Variants in PTAR1 observed in about 807,000 individuals in gnomAD.
PTAR1 encodes protein prenyltransferase alpha subunit repeat-containing protein 1.
Under a neutral mutation model 45.5 loss-of-function variants are expected in PTAR1, and 17 were observed. The ratio of observed to expected loss-of-function variants is 0.37; its 90% confidence interval spans 0.26 to 0.56. The LOEUF (loss-of-function observed/expected upper bound fraction) is 0.56. PTAR1 is among the 20% of genes least tolerant of loss of function. The pLI, the probability that PTAR1 is intolerant of heterozygous loss-of-function variation, is 0.77. For synonymous variants in PTAR1, 169 were observed against 171.3 expected (o/e 0.99, Z 0.11); for missense variants, 391 against 476.3 (o/e 0.82, Z 1.67).
chr9:69,718,704 G>C lies in PTAR1; in HGVS notation c.948-20C>G, dbSNP rs758131549. The C allele has an allele frequency of 3.2e-5, 48 of 1,503,848 alleles. No individual in the cohort carries two copies. The highest frequency in any genetic ancestry group is 4.2e-5 in the Non-Finnish European group (47 of 1,121,044). 93.2% of individuals were successfully genotyped at this position (1,503,848 alleles called of 1,614,324 possible). A position where few individuals can be genotyped will look rare whatever the true frequency, so the allele number is the denominator to read the frequency against. On this transcript the variant is annotated intron_variant, in intron 6 of 7. Coordinates refer to ENST00000340434, the MANE Select transcript of PTAR1 (RefSeq NM_001099666.2). ...TGCCGCCTGCGATAGAGAGGGGAAGGAAGAGAATAAAGAAAATCACATTAC... is the reference window on the plus strand; with the variant it reads ...TGCCGCCTGCGATAGAGAGGGGAAGCAAGAGAATAAAGAAAATCACATTAC...
chr9:69,759,786 T>TGGAGGCTTG, intron 1 of PTAR1, 67 bp downstream of exon 1: 1 of 1,445,230 alleles, frequency 6.9e-7, no homozygotes. Flanking sequence ...CGAGGTCGGG[T>TGGAGGCTTG]GGACGCTTGG....
At chr9:69,751,556 GGAGA>G (rs1477188856) in intron 1 of PTAR1, among the ~76,000 whole-genome samples, 2 of 151,978 alleles carry the variant, frequency 1.3e-5, no homozygotes, top group Non-Finnish European at 2.9e-5. Context: ...AGAAATTTTT[GGAGA>G]GAGAAAGGTG....
chr9:69,757,910 G>A (rs1385972967), intron 1 of PTAR1: 2 of 152,124 alleles, frequency 1.3e-5, no homozygotes, highest in Non-Finnish European at 2.9e-5. Context: ...TGGGGAATAT[G>A]TATTCAAATA....
chr9:69,739,823 A>G (rs1474174296), intron 3 of PTAR1, among the ~76,000 whole-genome samples: 2 of 152,186 alleles, frequency 1.3e-5, no homozygotes, highest in Non-Finnish European at 2.9e-5. Flanking sequence ...GATTTTTTAA[A>G]AATCAAGATT....
At chr9:69,751,055 C>T (rs1826507219) in intron 1 of PTAR1, 105 bp from the exon 2 acceptor site, 2 of 804,894 alleles carry the variant, frequency 2.5e-6, no homozygotes, top group Non-Finnish European at 3.8e-6. Context: ...TTCCCCCTTC[C>T]TTACAAATAT....
intron 4 of PTAR1, among the ~76,000 whole-genome samples, chr9:69,733,159 G>C (rs1825619894): frequency 6.6e-6 from 1 of 151,978 alleles, no homozygotes; most frequent in African/African-American, 2.4e-5. Context: ...AAAAAAATTA[G>C]ACAAGCCAAA....
chr9:69,732,848 A>G (rs1273850824), intron 4 of PTAR1, among the ~76,000 whole-genome samples: 2 of 152,236 alleles, frequency 1.3e-5, no homozygotes, highest in Admixed American at 6.5e-5. Flanking sequence ...ATTATAGCAT[A>G]AAATCTGGAA....
At position 69,715,688 on chromosome 9, in the gene PTAR1, A is replaced by G. The variant is rs1824702545; in HGVS notation, c.*2654T>C. 1 of 152,158 alleles carries G rather than the reference A, an allele frequency of 6.6e-6. No individual in the cohort carries two copies. The highest frequency in any genetic ancestry group is 2.4e-5 in the African/African-American group (1 of 41,442). 9.4% of individuals were successfully genotyped at this position (152,158 alleles called of 1,614,324 possible). A position where few individuals can be genotyped will look rare whatever the true frequency, so the allele number is the denominator to read the frequency against. On this transcript the variant is annotated 3_prime_UTR_variant, in exon 8 of 8. Transcript: ENST00000340434. Reference sequence around the variant, plus strand: ...ACTAAAAGTCCCAGAAAACAGACACATCCTTTCTACTACATAAGCTCAGTC... The same window carrying G: ...ACTAAAAGTCCCAGAAAACAGACACGTCCTTTCTACTACATAAGCTCAGTC...
intron 5 of PTAR1, among the ~76,000 whole-genome samples, chr9:69,730,625 G>A (rs1041111332): frequency 4.1e-5 from 6 of 147,462 alleles, no homozygotes; most frequent in African/African-American, 1.3e-4. Flanking sequence ...TCCAACGAGC[G>A]CATCCTAGAT....
At chr9:69,744,031 G>C (rs1048876200) in intron 2 of PTAR1, among the ~76,000 whole-genome samples, 2 of 152,108 alleles carry the variant, frequency 1.3e-5, no homozygotes. Context: ...AAAAATGCAT[G>C]GAACTTCACA....
At chr9:69,721,904 A>C (rs142207397) in intron 6 of PTAR1, among the ~76,000 whole-genome samples, 60 of 152,314 alleles carry the variant, frequency 3.9e-4, no homozygotes, top group African/African-American at 1.4e-3. Flanking sequence ...AAACAAAAAA[A>C]AATTGTGTGG....
chr9:69,743,547 T>C (rs1826131451), intron 2 of PTAR1, among the ~76,000 whole-genome samples: 1 of 152,186 alleles, frequency 6.6e-6, no homozygotes, highest in African/African-American at 2.4e-5. Flanking sequence ...CAACAAACAG[T>C]AGGATCAGTA....
chr9:69,740,620 C>T (rs76426243), intron 3 of PTAR1, among the ~76,000 whole-genome samples: 2,663 of 149,044 alleles, frequency 0.018, 84 homozygotes, highest in African/African-American at 0.063. Flanking sequence ...TATTATGTAC[C>T]GGCACTAGAG....
intron 3 of PTAR1, chr9:69,741,563 T>C: frequency 1.9e-6 from 1 of 523,448 alleles, no homozygotes; most frequent in Non-Finnish European, 3.4e-6. Context: ...TCAAACAGTA[T>C]ACTGTAACTC....
rs149792658 is a variant in PTAR1 at position 69,734,505 on chromosome 9, A to T, written c.324-251T>A. Among the ~76,000 whole-genome samples the T allele has an allele frequency of 3.5e-3, 526 of 152,244 alleles. 1 individual carries two copies. The highest frequency in any genetic ancestry group is 0.012 in the African/African-American group (508 of 41,564). On this transcript the variant is annotated intron_variant, in intron 3 of 7. Transcript: ENST00000340434. ...TAATAAGCAGAAAGAGAAGCTCTTA[A>T]ATCAACAGATTTTAACGATTTTTAA...
chr9:69,746,411 C>T (rs1826278087), intron 2 of PTAR1, among the ~76,000 whole-genome samples: 1 of 152,228 alleles, frequency 6.6e-6, no homozygotes, highest in Non-Finnish European at 1.5e-5. Context: ...TGCTCTTTCA[C>T]TCTACCACAC....
rs767129100 is a variant in PTAR1, at chr9:69,723,613, T to C, written c.660A>G (p.Leu220=). 2.2e-5 allele frequency: 36 copies of C among 1,606,356 alleles called. No homozygotes were observed. The Admixed American group carries it at 4.2e-4, about 19-fold the overall frequency. Reference sequence around the variant, plus strand: ...TAGATGCCCAATGTTTAGTAGAAGATAGTTCATCAAGAAGAATCTTTTAAG... The same window carrying C: ...TAGATGCCCAATGTTTAGTAGAAGACAGTTCATCAAGAAGAATCTTTTAAG... ...KLDVKILLDE[L]SSTKHWASMH... The change falls in exon 6 of 8, where the codon CTA becomes CTG. Residue 220 remains leucine, a synonymous_variant. Coordinates refer to ENST00000340434, the MANE Select transcript of PTAR1 (RefSeq NM_001099666.2).
chr9:69,726,459 G>C (rs1404737485), intron 5 of PTAR1, among the ~76,000 whole-genome samples: 1 of 151,904 alleles, frequency 6.6e-6, no homozygotes, highest in East Asian at 1.9e-4. Flanking sequence ...ATAAATCTAT[G>C]TACATATCTA....
chr9:69,720,718 CTT>C (rs1177807457), intron 6 of PTAR1, among the ~76,000 whole-genome samples: 1 of 152,164 alleles, frequency 6.6e-6, no homozygotes, highest in African/African-American at 2.4e-5. Flanking sequence ...TAGCTGGTGA[CTT>C]TAAGTTGAAG....
Sources: gnomAD v4.1 joint callset for allele counts (sites outside exome capture counted in the v4.1 genomes callset) on GRCh38, gnomAD v4.1.1 for gene constraint, MANE v1.5 for transcripts, NCBI Gene and HGNC (gene_info 2026-07-23, HGNC 2026-07-21) for gene names.